ADAM22: variants seen among roughly 807,000 people sequenced by gnomAD.
ADAM22 encodes the protein disintegrin and metalloproteinase domain-containing protein 22.
ADAM22 carries 65 observed loss-of-function variants against 144.6 expected under a neutral mutation model. The observed-to-expected ratio is 0.45, with a 90% confidence interval of 0.37 to 0.55. The LOEUF (loss-of-function observed/expected upper bound fraction) is 0.55, where lower values mean the gene tolerates loss of function less well. Among genes scored for constraint, ADAM22 ranks in the 20% least tolerant of loss-of-function variants. The probability of loss-of-function intolerance (pLI) is 0.00; values close to 1 mark genes in which losing one functional copy is unlikely to be tolerated. For missense variants in ADAM22, 974 were observed against 1,184.9 expected (o/e 0.82, Z 2.61); for synonymous variants, 391 against 412.6 (o/e 0.95, Z 0.63).
intron 3 of ADAM22, among the ~76,000 whole-genome samples, chr7:88,073,750 A>C (rs998566985): frequency 2.0e-5 from 3 of 152,114 alleles, no homozygotes; most frequent in African/African-American, 7.2e-5. Flanking sequence ...TGCCTTCCCC[A>C]CTGATGGTGT....
chr7:88,025,047 A>G (rs1374715531), intron 3 of ADAM22, among the ~76,000 whole-genome samples: 3 of 152,120 alleles, frequency 2.0e-5, no homozygotes, highest in Non-Finnish European at 4.4e-5. Context: ...CATGATTTAT[A>G]ATCTTTTGGG....
intron 2 of ADAM22, among the ~76,000 whole-genome samples, chr7:87,967,776 C>G (rs2129446545): frequency 7.2e-6 from 1 of 138,380 alleles, no homozygotes; most frequent in South Asian, 2.3e-4. Context: ...CCACTGCACT[C>G]CAGCCTGAGC....
chr7:87,976,722 T>G (rs1220672110), intron 2 of ADAM22, among the ~76,000 whole-genome samples: 1 of 152,080 alleles, frequency 6.6e-6, no homozygotes, highest in Non-Finnish European at 1.5e-5. Flanking sequence ...ACAGAAAATG[T>G]TGGAATGAAC....
intron 2 of ADAM22, among the ~76,000 whole-genome samples, chr7:87,953,674 T>A (rs1845830913): frequency 6.6e-6 from 1 of 152,162 alleles, no homozygotes; most frequent in African/African-American, 2.4e-5. Flanking sequence ...GTTGCAGAGC[T>A]GAGTTCAATT....
At chr7:88,017,824 TATAAATACATACATATATATAC>T (rs1227934246) in intron 3 of ADAM22, among the ~76,000 whole-genome samples, 2 of 152,086 alleles carry the variant, frequency 1.3e-5, no homozygotes, top group Non-Finnish European at 2.9e-5. Context: ...TGTGTGTGTG[TATAAATACATACATATATATAC>T]ATATATATCT....
chr7:87,940,028 T>C (rs2131234707), intron 2 of ADAM22, among the ~76,000 whole-genome samples: 1 of 151,948 alleles, frequency 6.6e-6, no homozygotes, highest in East Asian at 1.9e-4. Context: ...CCCGCCTCTA[T>C]GAAGGGTACA....
intron 16 of ADAM22, 109 bp downstream of exon 16, chr7:88,145,305 T>G: frequency 6.7e-7 from 1 of 1,498,666 alleles, no homozygotes; most frequent in Non-Finnish European, 9.2e-7. Context: ...TTATAGGATT[T>G]GTGGAAGAAA....
chr7:87,990,788 G>A (rs1430088700), intron 3 of ADAM22, among the ~76,000 whole-genome samples: 1 of 151,880 alleles, frequency 6.6e-6, no homozygotes, highest in Non-Finnish European at 1.5e-5. Context: ...TCAGTCTCCC[G>A]AGTAGCTGGG....
chr7:87,946,479 A>T (rs976307939), intron 2 of ADAM22, among the ~76,000 whole-genome samples: 2 of 152,150 alleles, frequency 1.3e-5, no homozygotes, highest in Non-Finnish European at 2.9e-5. Flanking sequence ...TTCTCTAGGT[A>T]TTCTTCTAAG....
At position 88,165,816 on chromosome 7, in the gene ADAM22, T is replaced by G; in HGVS notation, c.2077-16T>G. ...CAGAGAGTTGACATTTACTCTAGCT[T>G]GATTTTGGATCTCAGGTTTGCAGTA... On this transcript the variant is annotated splice_polypyrimidine_tract_variant and intron_variant, in intron 23 of 31. Coordinates refer to ENST00000413139, the MANE Select transcript of ADAM22 (RefSeq NM_001324418.2). 6.4e-7 allele frequency: 1 copy of G among 1,570,338 alleles called. No homozygotes were observed. The highest frequency in any genetic ancestry group is 8.7e-7 in the Non-Finnish European group (1 of 1,150,822).
chr7:88,181,901 A>G (rs1367062061), intron 28 of ADAM22, 57 bp from the exon 29 acceptor site: 1 of 1,484,052 alleles, frequency 6.7e-7, no homozygotes, highest in African/African-American at 1.4e-5. Flanking sequence ...CCTCGTAATT[A>G]GACATAGGGC....
At chr7:88,165,747 A>C (rs1156867889) in intron 23 of ADAM22, 85 bp from the exon 24 acceptor site, 43 of 888,926 alleles carry the variant, frequency 4.8e-5, no homozygotes, top group Non-Finnish European at 7.2e-5. Flanking sequence ...CATTCTAAGC[A>C]TATAATAATA....
intron 2 of ADAM22, among the ~76,000 whole-genome samples, chr7:87,968,414 T>G (rs1849650047): frequency 6.6e-6 from 1 of 152,182 alleles, no homozygotes; most frequent in African/African-American, 2.4e-5. Context: ...GGCTCATGCT[T>G]GTAATCCCAA....
At chr7:88,090,679 T>A (rs548018882) in intron 4 of ADAM22, among the ~76,000 whole-genome samples, 1 of 152,284 alleles carries the variant, frequency 6.6e-6, no homozygotes, top group Admixed American at 6.5e-5. Flanking sequence ...ATAAAGATCC[T>A]ACAAGAATAA....
intron 4 of ADAM22, among the ~76,000 whole-genome samples, chr7:88,105,334 G>A (rs536173016): frequency 6.6e-6 from 1 of 152,238 alleles, no homozygotes; most frequent in South Asian, 2.1e-4. Context: ...TCCAATATAA[G>A]GAAACACTTA....
At chr7:87,960,902 T>G (rs550024165) in intron 2 of ADAM22, among the ~76,000 whole-genome samples, 2 of 152,332 alleles carry the variant, frequency 1.3e-5, no homozygotes, top group East Asian at 3.9e-4. Flanking sequence ...GGTCCTACTA[T>G]GTGGCACTGT....
intron 30 of ADAM22, among the ~76,000 whole-genome samples, chr7:88,192,561 C>T (rs1350928762): frequency 6.6e-6 from 1 of 152,144 alleles, no homozygotes; most frequent in Non-Finnish European, 1.5e-5. Context: ...TGCATGTTTA[C>T]TAATTTATTA....
In ADAM22 at chr7:88,155,821, T is replaced by G. The variant is rs1473047838; in HGVS notation, c.1788-66T>G. The G allele has an allele frequency of 2.6e-6, 4 of 1,539,302 alleles. No individual in the cohort carries two copies. In the African/African-American group the frequency reaches 5.5e-5, roughly 21 times the overall value. On this transcript the variant is annotated intron_variant, in intron 21 of 31. Transcript: ENST00000413139. ...ACCAAATGCTAAAATGAGAGAAGAT[T>G]ATTCTAACTGTACATGGTTTGCTAT... is the stretch of plus-strand genomic sequence containing the variant.
At chr7:87,997,631 C>T (rs994017863) in intron 3 of ADAM22, among the ~76,000 whole-genome samples, 2 of 152,260 alleles carry the variant, frequency 1.3e-5, no homozygotes, top group East Asian at 3.8e-4. Context: ...GCGCTGCCTG[C>T]ATTCCCTGGG....
Sources: gnomAD v4.1 joint callset for allele counts (sites outside exome capture counted in the v4.1 genomes callset) on GRCh38, gnomAD v4.1.1 for gene constraint, MANE v1.5 for transcripts, NCBI Gene and HGNC (gene_info 2026-07-23, HGNC 2026-07-21) for gene names.